The following SGIP1 variants were observed in gnomAD, a reference collection of about 807,000 sequenced individuals.
The protein encoded by SGIP1 is SH3-containing GRB2-like protein 3-interacting protein 1.
SGIP1 carries 38 observed loss-of-function variants against 107.5 expected under a neutral mutation model. The observed-to-expected ratio is 0.35, with a 90% CI of 0.27 to 0.46. The LOEUF (loss-of-function observed/expected upper bound fraction) is 0.46. SGIP1 is among the 20% of genes least tolerant of loss of function. The probability of loss-of-function intolerance (pLI) is 1.00; values close to 1 mark genes in which losing one functional copy is unlikely to be tolerated. For missense variants in SGIP1, 929 were observed against 1,019.5 expected, an observed-to-expected ratio of 0.91 and a Z score of 1.21; for synonymous variants, 365 against 366.1, an observed-to-expected ratio of 1.00 and a Z score of 0.03.
At chr1:66,667,610 G>C in intron 9 of SGIP1, 69 bp downstream of exon 9, 1 of 1,463,010 alleles carries the variant, frequency 6.8e-7, no homozygotes, top group Non-Finnish European at 9.6e-7. Flanking sequence ...AGGTGGCCAG[G>C]TTGGTTTCCC....
chr1:66,673,173 A>G (rs1453396754), intron 11 of SGIP1, 108 bp from the exon 12 acceptor site: 15 of 1,083,480 alleles, frequency 1.4e-5, no homozygotes, highest in Non-Finnish European at 2.0e-5. Context: ...GCACTGGTGC[A>G]CACACACACT....
intron 19 of SGIP1, among the ~76,000 whole-genome samples, chr1:66,727,498 C>G (rs1014244206): frequency 4.6e-5 from 7 of 152,154 alleles, no homozygotes; most frequent in Admixed American, 2.6e-4. Context: ...GAGTCTACAC[C>G]TATTATGTGA....
chr1:66,739,620 G>A (rs2094382904), intron 22 of SGIP1, 83 bp downstream of exon 22: 1 of 1,409,386 alleles, frequency 7.1e-7, no homozygotes, highest in South Asian at 1.2e-5. Flanking sequence ...GTGTCCTGTA[G>A]GAGGAGATGA....
intron 19 of SGIP1, among the ~76,000 whole-genome samples, chr1:66,725,345 G>T (rs1249098921): frequency 6.6e-6 from 1 of 152,208 alleles, no homozygotes; most frequent in Non-Finnish European, 1.5e-5. Context: ...AACCATGTGT[G>T]TTTCATCCAT....
chr1:66,739,113 G>A (rs1027725813), intron 21 of SGIP1, among the ~76,000 whole-genome samples: 2 of 151,876 alleles, frequency 1.3e-5, no homozygotes, highest in Non-Finnish European at 2.9e-5. Context: ...CTGACACGAA[G>A]TGTACTGAAA....
Position 66,637,675 on chromosome 1 carries a change from C to T in SGIP1, c.171+1660C>T, listed in dbSNP as rs116490390. On this transcript the variant is annotated intron_variant, in intron 4 of 24. Coordinates refer to ENST00000371037, the MANE Select transcript of SGIP1 (RefSeq NM_032291.4). ...TCTGCCTAGATCGTCAAATTTAGAA[C>T]TCAGCTTTCTTTCTACAGTATTAGA... Among the ~76,000 whole-genome samples the T allele has an allele frequency of 7.4e-3, 1,122 of 151,626 alleles. 7 individuals carry two copies. Among genetic ancestry groups the T allele is most frequent in the Admixed American group, 0.015 (223 of 15,224 alleles).
chr1:66,611,017 T>A (rs1036246529), intron 1 of SGIP1, among the ~76,000 whole-genome samples: 1 of 152,026 alleles, frequency 6.6e-6, no homozygotes, highest in Non-Finnish European at 1.5e-5. Flanking sequence ...GATAAAGGAC[T>A]ACAAACTGGG....
chr1:66,608,016 C>G (rs114998730), intron 1 of SGIP1, among the ~76,000 whole-genome samples: 1 of 152,104 alleles, frequency 6.6e-6, no homozygotes, highest in African/African-American at 2.4e-5. Context: ...TTGTGTACCC[C>G]AGATGCCCAC....
At chr1:66,629,501 C>A (rs1175462537) in intron 2 of SGIP1, among the ~76,000 whole-genome samples, 1 of 151,996 alleles carries the variant, frequency 6.6e-6, no homozygotes, top group African/African-American at 2.4e-5. Flanking sequence ...AGTCTAAAAT[C>A]CAGTGTCTGT....
chr1:66,621,363 C>T (rs2071051232), intron 1 of SGIP1, among the ~76,000 whole-genome samples: 1 of 152,152 alleles, frequency 6.6e-6, no homozygotes, highest in South Asian at 2.1e-4. Context: ...TCCTTTCTTC[C>T]CCACTTGTTC....
chr1:66,648,916 G>C (rs1164875736), intron 7 of SGIP1, among the ~76,000 whole-genome samples: 3 of 152,256 alleles, frequency 2.0e-5, no homozygotes, highest in Admixed American at 1.3e-4. Context: ...CACTGTAAAG[G>C]AAGGATGATA....
intron 23 of SGIP1, among the ~76,000 whole-genome samples, chr1:66,740,931 T>C (rs1315017723): frequency 6.6e-6 from 1 of 152,188 alleles, no homozygotes; most frequent in Non-Finnish European, 1.5e-5. Context: ...TCAAACAAAC[T>C]ATCATTTAGG....
At chr1:66,734,607 C>T (rs1287370713) in intron 21 of SGIP1, among the ~76,000 whole-genome samples, 1 of 151,276 alleles carries the variant, frequency 6.6e-6, no homozygotes, top group Non-Finnish European at 1.5e-5. Context: ...TGTGTTCAAG[C>T]GATTCTCCTG....
chr1:66,591,693 C>A (rs980173100), intron 1 of SGIP1, among the ~76,000 whole-genome samples: 1 of 152,150 alleles, frequency 6.6e-6, no homozygotes, highest in South Asian at 2.1e-4. Context: ...GACTGGCGCT[C>A]AGCATAGGGA....
intron 22 of SGIP1, 133 bp from the exon 23 acceptor site, chr1:66,740,525 G>A: frequency 1.5e-6 from 1 of 662,026 alleles, no homozygotes; most frequent in Non-Finnish European, 2.7e-6. Context: ...GAGAGAGACA[G>A]GGAATTTTTA....
chr1:66,648,244 A>G (rs896270448), intron 7 of SGIP1, among the ~76,000 whole-genome samples: 5 of 152,188 alleles, frequency 3.3e-5, no homozygotes, highest in African/African-American at 1.2e-4. Flanking sequence ...CTGACAGTTG[A>G]AGGCTGCCAA....
intron 18 of SGIP1, among the ~76,000 whole-genome samples, chr1:66,701,316 C>T (rs921234345): frequency 1.3e-5 from 2 of 152,090 alleles, no homozygotes; most frequent in African/African-American, 4.8e-5. Context: ...AGCACTTACC[C>T]CACTGAAGGC....
intron 18 of SGIP1, among the ~76,000 whole-genome samples, chr1:66,696,838 T>C (rs113687967): frequency 0.021 from 3,132 of 152,292 alleles, 100 homozygotes; most frequent in African/African-American, 0.071. Context: ...TCCTAAACTT[T>C]CTCTTTGAAT....
chr1:66,656,623 C>T (rs1300598555), intron 7 of SGIP1, among the ~76,000 whole-genome samples: 2 of 152,146 alleles, frequency 1.3e-5, no homozygotes, highest in Non-Finnish European at 2.9e-5. Flanking sequence ...ATATACAATG[C>T]ATGACAGTAT....
Sources: gnomAD v4.1 joint callset for allele counts (sites outside exome capture counted in the v4.1 genomes callset) on GRCh38, gnomAD v4.1.1 for gene constraint, MANE v1.5 for transcripts, NCBI Gene and HGNC (gene_info 2026-07-23, HGNC 2026-07-21) for gene names.